FCRL4: variants seen among roughly 807,000 people sequenced by gnomAD.
FCRL4 encodes Fc receptor-like protein 4.
A neutral mutation model predicts 64.1 loss-of-function variants in FCRL4; 43 were observed. The observed-to-expected ratio is 0.67, with a 90% CI of 0.53 to 0.87. FCRL4 has a LOEUF of 0.87. Among genes scored for constraint, FCRL4 ranks in the 40% least tolerant of loss-of-function variants. FCRL4 has a pLI of 0.00. For synonymous variants in FCRL4, 253 were observed against 239.8 expected, an observed-to-expected ratio of 1.05 and a Z score of -0.51; for missense variants, 656 against 613.5, an observed-to-expected ratio of 1.07 and a Z score of -0.73.
chr1:157,588,058 G>T lies in FCRL4; in HGVS notation c.369C>A (p.Cys123Ter). Residue 123 changes from cysteine to a stop codon, truncating the protein, a stop_gained, in exon 4 of 12, where the codon TGC becomes TGA. Coordinates refer to ENST00000271532, the MANE Select transcript of FCRL4 (RefSeq NM_031282.3). LOFTEE classifies it high-confidence loss of function. ...VFEGDTLVLR[C>*]HRRRKEKLTA... Reference sequence around the variant, plus strand: ...TCAATTTCTCTTTCCTTCTTCTGTGGCATCTCAGAACCAATGTGTCACCTT... The same window carrying T: ...TCAATTTCTCTTTCCTTCTTCTGTGTCATCTCAGAACCAATGTGTCACCTT... 6.2e-7 allele frequency: 1 copy of T among 1,613,396 alleles called. No individual in the cohort carries two copies. Among genetic ancestry groups the T allele is most frequent in the Non-Finnish European group, 8.5e-7 (1 of 1,179,646 alleles).
At chr1:157,575,654 C>T (rs1026860925) in intron 11 of FCRL4, 44 bp from the exon 12 acceptor site, 3 of 1,611,850 alleles carry the variant, frequency 1.9e-6, no homozygotes, top group Non-Finnish European at 2.5e-6. Context: ...GAGTGTGAGG[C>T]TGCAGGTAAT....
chr1:157,594,290 G>T (rs983862629), intron 2 of FCRL4, among the ~76,000 whole-genome samples: 2 of 152,202 alleles, frequency 1.3e-5, no homozygotes, highest in Non-Finnish European at 2.9e-5. Context: ...ATGGACTAGG[G>T]AATAGGGATT....
chr1:157,593,830 C>T (rs1368242839), intron 2 of FCRL4, among the ~76,000 whole-genome samples: 7 of 152,024 alleles, frequency 4.6e-5, no homozygotes, highest in African/African-American at 7.2e-5. Context: ...GACTTTGTGC[C>T]GGCTAACAAC....
At chr1:157,585,766 C>T (rs1652676426) in intron 6 of FCRL4, among the ~76,000 whole-genome samples, 1 of 152,014 alleles carries the variant, frequency 6.6e-6, no homozygotes, top group Non-Finnish European at 1.5e-5. Flanking sequence ...CTTGAGGCTG[C>T]AGGTCTGATG....
Position 157,587,473 on chromosome 1 carries a change from G to A in FCRL4, c.650C>T (p.Pro217Leu), listed in dbSNP as rs746884749. 2 of 1,614,182 alleles carry A rather than the reference G, an allele frequency of 1.2e-6. No homozygotes were observed. Among genetic ancestry groups the A allele is most frequent in the Admixed American group, 3.3e-5 (2 of 60,024 alleles). ...AAGTGGGGTGTCTGACCGCTCTGGA[G>A]GAAGCTGTGTTTCACAGCTCAGGTT... ...SVNLSCETQLPPERSDTPLHF... is the reference protein window; with the variant it reads ...SVNLSCETQLLPERSDTPLHF... The change falls in exon 5 of 12, where the codon CCT becomes CTT. Residue 217 changes from proline to leucine, a missense_variant. Transcript: ENST00000271532.
chr1:157,590,193 T>C (rs1172068979), intron 2 of FCRL4, among the ~76,000 whole-genome samples: 1 of 152,140 alleles, frequency 6.6e-6, no homozygotes, highest in East Asian at 1.9e-4. Flanking sequence ...TTCCCTTTGT[T>C]TAATCCAAGA....
intron 1 of FCRL4, among the ~76,000 whole-genome samples, chr1:157,596,803 G>A (rs1482151921): frequency 6.6e-6 from 1 of 152,146 alleles, no homozygotes; most frequent in African/African-American, 2.4e-5. Context: ...TAAAAGCCTA[G>A]TTTCCAAAGT....
chr1:157,576,743 T>C (rs1652424901), intron 10 of FCRL4, among the ~76,000 whole-genome samples: 1 of 152,228 alleles, frequency 6.6e-6, no homozygotes, highest in South Asian at 2.1e-4. Context: ...TCCTGATTAA[T>C]GGAGGTGGCT....
chr1:157,579,731 CAT>C (rs1558153107), intron 8 of FCRL4, among the ~76,000 whole-genome samples: 2 of 144,196 alleles, frequency 1.4e-5, no homozygotes, highest in African/African-American at 5.4e-5. Context: ...TACATACATA[CAT>C]ACATACATAC....
intron 6 of FCRL4, among the ~76,000 whole-genome samples, chr1:157,585,607 C>A (rs1652673618): frequency 6.6e-6 from 1 of 152,172 alleles, no homozygotes; most frequent in East Asian, 1.9e-4. Context: ...TAAGGCTTCT[C>A]TCCTCAATGG....
intron 5 of FCRL4, among the ~76,000 whole-genome samples, chr1:157,586,841 T>TATC (rs1194857325): frequency 6.6e-6 from 1 of 152,240 alleles, no homozygotes; most frequent in Non-Finnish European, 1.5e-5. Context: ...TGGGCCTATC[T>TATC]ATCTATCTAT....
intron 2 of FCRL4, among the ~76,000 whole-genome samples, chr1:157,592,581 A>G (rs1340522515): frequency 6.6e-6 from 1 of 152,222 alleles, no homozygotes; most frequent in Non-Finnish European, 1.5e-5. Context: ...AAAAGTCAGG[A>G]AACAACAGAT....
chr1:157,597,890 A>G (rs780023571), intron 1 of FCRL4, 24 bp downstream of exon 1: 18 of 1,609,684 alleles, frequency 1.1e-5, no homozygotes, highest in Admixed American at 5.0e-5. Flanking sequence ...TGCAGCAAGC[A>G]AAGGTCTCCT....
chr1:157,586,744 A>T (rs1324560531), intron 5 of FCRL4, among the ~76,000 whole-genome samples: 1 of 152,220 alleles, frequency 6.6e-6, no homozygotes, highest in East Asian at 1.9e-4. Context: ...TTTGAGGGGC[A>T]GGTAATAGCA....
rs1558155158 is a variant in FCRL4, at chr1:157,585,394, C to CTTTCTTTCTTT, written c.1135+773_1135+774insAAAGAAAGAAA. 4.0e-3 allele frequency among the ~76,000 whole-genome samples: 306 copies of CTTTCTTTCTTT among 76,072 alleles called. 4 individuals are homozygous for CTTTCTTTCTTT. Among genetic ancestry groups the CTTTCTTTCTTT allele is most frequent in the African/African-American group, 0.013 (290 of 21,746 alleles). The allele number at this position is 76,072 out of a possible 152,430, so 49.9% of individuals were successfully genotyped here. A position where few individuals can be genotyped will look rare whatever the true frequency, so the allele number is the denominator to read the frequency against. On this transcript the variant is annotated intron_variant, in intron 6 of 11. Transcript: ENST00000271532. ...TCTTTCTTTCTTTCTTTCTTTCTTTCCTTCTTTCTTTCTTTCTTTCTTTCT... is the reference window on the plus strand; with the variant it reads ...TCTTTCTTTCTTTCTTTCTTTCTTTCTTTCTTTCTTTCTTCTTTCTTTCTTTCTTTCTTTCT...
In FCRL4 at chr1:157,586,325, C is replaced by T. The variant is rs1221584826; in HGVS notation, c.978G>A (p.Glu326=). 2.5e-6 allele frequency: 4 copies of T among 1,613,830 alleles called. No individual in the cohort carries two copies. Among genetic ancestry groups the T allele is most frequent in the Admixed American group, 1.7e-5 (1 of 60,002 alleles). ...TGDTTFSWHR[E]DMQESLGRKT... ...TCCTCCCCAGACTCTCCTGCATGTC[C>T]TCTCGGTGCCAGGAGAATGTGGTAT... Residue 326 remains glutamate (E), a synonymous_variant, in exon 6 of 12, where the codon GAG becomes GAA. Transcript: ENST00000271532.
intron 6 of FCRL4, among the ~76,000 whole-genome samples, chr1:157,582,317 G>T (rs12095111): frequency 0.028 from 4,200 of 152,216 alleles, 183 homozygotes; most frequent in African/African-American, 0.096. Flanking sequence ...CCCTGTGCTG[G>T]GCATTGACCT....
intron 7 of FCRL4, 37 bp downstream of exon 7, chr1:157,581,494 A>C: frequency 6.4e-7 from 1 of 1,568,880 alleles, no homozygotes; most frequent in Non-Finnish European, 8.8e-7. Context: ...AGGGGAAGGA[A>C]CAGGGCAGGA....
intron 2 of FCRL4, 69 bp downstream of exon 2, chr1:157,596,259 G>T: frequency 6.6e-7 from 1 of 1,509,356 alleles, no homozygotes; most frequent in Non-Finnish European, 9.2e-7. Context: ...ACTCTTGTAA[G>T]TATTTGAGAT....
Sources: gnomAD v4.1 joint callset for allele counts (sites outside exome capture counted in the v4.1 genomes callset) on GRCh38, gnomAD v4.1.1 for gene constraint, MANE v1.5 for transcripts, NCBI Gene and HGNC (gene_info 2026-07-23, HGNC 2026-07-21) for gene names.